Variants in ADAMTS9 observed in about 807,000 individuals in gnomAD.
The protein encoded by ADAMTS9 is ADAM metallopeptidase with thrombospondin type 1 motif 9.
In ADAMTS9, 107 loss-of-function variants were observed where a neutral mutation model predicts 257.1. The observed-to-expected ratio is 0.42, with a 90% CI of 0.36 to 0.49. The LOEUF is 0.49. Ranked by LOEUF, ADAMTS9 falls within the 20% of genes least tolerant of loss-of-function variation. ADAMTS9 has a pLI of 0.03. For synonymous variants in ADAMTS9, 982 were observed against 880.9 expected (o/e 1.11, Z -2.03); for missense variants, 2,353 against 2,469.1 (o/e 0.95, Z 1.00).
intron 20 of ADAMTS9, 48 bp downstream of exon 20, chr3:64,615,912 C>G: frequency 6.2e-7 from 1 of 1,607,588 alleles, no homozygotes. Context: ...CCACCATCAA[C>G]TAATCAGACA....
At chr3:64,584,615 T>G (rs546808015) in intron 28 of ADAMTS9, among the ~76,000 whole-genome samples, 22 of 152,300 alleles carry the variant, frequency 1.4e-4, no homozygotes, top group African/African-American at 5.3e-4. Context: ...ATACATTTGT[T>G]TCTTTAAGAA....
intron 3 of ADAMTS9, among the ~76,000 whole-genome samples, chr3:64,669,672 G>C (rs1701438240): frequency 6.6e-6 from 1 of 152,170 alleles, no homozygotes; most frequent in Admixed American, 6.5e-5. Flanking sequence ...CACTGTCACT[G>C]TCAGAAAGTG....
intron 29 of ADAMTS9, among the ~76,000 whole-genome samples, chr3:64,562,702 G>A (rs938288206): frequency 6.6e-6 from 1 of 152,098 alleles, no homozygotes; most frequent in South Asian, 2.1e-4. Context: ...GAGAAAATAA[G>A]CTTAACATAC....
intron 3 of ADAMTS9, among the ~76,000 whole-genome samples, chr3:64,665,338 C>A (rs1392247074): frequency 1.3e-5 from 2 of 152,046 alleles, no homozygotes; most frequent in Non-Finnish European, 2.9e-5. Flanking sequence ...GAGGGAGGCC[C>A]GATTTAAGTC....
At chr3:64,684,399 C>T (rs576903288) in intron 2 of ADAMTS9, among the ~76,000 whole-genome samples, 1 of 151,992 alleles carries the variant, frequency 6.6e-6, no homozygotes, top group Admixed American at 6.5e-5. Flanking sequence ...GGCAGGATGG[C>T]ACAGCCCACT....
At chr3:64,586,790 G>T (rs1321017962) in intron 28 of ADAMTS9, 1 of 152,090 alleles carries the variant, frequency 6.6e-6, no homozygotes, top group Non-Finnish European at 1.5e-5. Context: ...CCTCAACTCG[G>T]TTTCTTCTGA....
chr3:64,528,270 G>A (rs771185660), intron 38 of ADAMTS9, among the ~76,000 whole-genome samples: 2 of 152,136 alleles, frequency 1.3e-5, no homozygotes, highest in Non-Finnish European at 2.9e-5. Context: ...CTCTGAGAAT[G>A]GGCATGGGGA....
At chr3:64,666,687 A>G (rs1282950089) in intron 3 of ADAMTS9, among the ~76,000 whole-genome samples, 1 of 152,246 alleles carries the variant, frequency 6.6e-6, no homozygotes, top group African/African-American at 2.4e-5. Context: ...ATTAAAAGAG[A>G]TAATACATAA....
At chr3:64,517,267 A>C (rs1376200464) in intron 39 of ADAMTS9, 146 bp from the exon 40 acceptor site, 1 of 152,060 alleles carries the variant, frequency 6.6e-6, no homozygotes, top group Non-Finnish European at 1.5e-5. Flanking sequence ...TCTGAGTCAC[A>C]GTCTCACTCT....
rs1701050906 is a variant in ADAMTS9 at position 64,655,671 on chromosome 3, A to G, written c.1074T>C (p.Phe358=). ...AGTTTTTTAATGTTGTCTGAGCATT[A>G]AAAGATATGGAAGGCCCATCCTAAA... ...HNEQDGPSIS[F]NAQTTLKNFC... is the part of the protein sequence containing the mutation. The change falls in exon 6 of 40, where the codon TTT becomes TTC. Residue 358 remains phenylalanine, a synonymous_variant. Transcript: ENST00000498707. The G allele has an allele frequency of 2.5e-6, 4 of 1,614,174 alleles. No individual in the cohort carries two copies. Among genetic ancestry groups the G allele is most frequent in the Non-Finnish European group, 3.4e-6 (4 of 1,179,992 alleles).
chr3:64,585,423 A>C (rs1315725776), intron 28 of ADAMTS9, among the ~76,000 whole-genome samples: 1 of 152,152 alleles, frequency 6.6e-6, no homozygotes, highest in Non-Finnish European at 1.5e-5. Flanking sequence ...TGTCTTACCA[A>C]TGGGAATGAA....
chr3:64,628,677 T>C (rs551879189), intron 16 of ADAMTS9, among the ~76,000 whole-genome samples: 1 of 152,296 alleles, frequency 6.6e-6, no homozygotes, highest in South Asian at 2.1e-4. Context: ...GAAAAGCTGA[T>C]GTAGTGATTG....
chr3:64,537,593 G>A (rs1165279073), intron 37 of ADAMTS9, among the ~76,000 whole-genome samples: 4 of 152,148 alleles, frequency 2.6e-5, no homozygotes, highest in South Asian at 4.1e-4. Context: ...AAAACGCCTC[G>A]TTAAAACAAC....
intron 32 of ADAMTS9, among the ~76,000 whole-genome samples, chr3:64,543,852 T>C (rs2083160768): frequency 1.3e-5 from 2 of 152,230 alleles, no homozygotes; most frequent in African/African-American, 2.4e-5. Flanking sequence ...ATGACATGAT[T>C]GTATATTTAG....
chr3:64,632,316 A>G (rs1220573207), intron 14 of ADAMTS9, among the ~76,000 whole-genome samples: 1 of 152,236 alleles, frequency 6.6e-6, no homozygotes, highest in East Asian at 1.9e-4. Context: ...TAAGAACTGT[A>G]TCTAATTAAA....
intron 19 of ADAMTS9, among the ~76,000 whole-genome samples, chr3:64,619,390 T>C (rs931868711): frequency 6.6e-6 from 1 of 152,148 alleles, no homozygotes. Context: ...TCGTTATAAC[T>C]GAATTAAGAA....
intron 16 of ADAMTS9, among the ~76,000 whole-genome samples, chr3:64,623,958 G>A (rs1700167222): frequency 6.6e-6 from 1 of 151,858 alleles, no homozygotes; most frequent in Admixed American, 6.6e-5. Context: ...TGAATCGAGT[G>A]CCAAAATGTT....
At chr3:64,679,477 G>T (rs1701701377) in intron 3 of ADAMTS9, among the ~76,000 whole-genome samples, 1 of 152,146 alleles carries the variant, frequency 6.6e-6, no homozygotes, top group Admixed American at 6.5e-5. Context: ...TTTGTGATAA[G>T]GATTAAGCAA....
chr3:64,644,146 G>C (rs1178557847), intron 11 of ADAMTS9, among the ~76,000 whole-genome samples: 1 of 152,194 alleles, frequency 6.6e-6, no homozygotes, highest in East Asian at 1.9e-4. Flanking sequence ...AATGATAATG[G>C]CAAACATGTA....
Sources: gnomAD v4.1 joint callset for allele counts (sites outside exome capture counted in the v4.1 genomes callset) on GRCh38, gnomAD v4.1.1 for gene constraint, MANE v1.5 for transcripts, NCBI Gene and HGNC (gene_info 2026-07-23, HGNC 2026-07-21) for gene names.